The following GPHN variants were observed in gnomAD, a reference collection of about 807,000 sequenced individuals.
The protein encoded by GPHN is gephyrin.
A neutral mutation model predicts 95.5 loss-of-function variants in GPHN; 17 were observed. The ratio of observed to expected loss-of-function variants is 0.18; its 90% CI spans 0.12 to 0.27. The LOEUF is 0.27. Ranked by LOEUF, GPHN falls within the 10% of genes least tolerant of loss-of-function variation. The pLI is 1.00. For synonymous variants in GPHN, 320 were observed against 322.5 expected (o/e 0.99, Z 0.08); for missense variants, 660 against 978.1 (o/e 0.67, Z 4.34).
At chr14:67,473,949 G>C in the GPHN span, 60,168 of 1,577,510 alleles carry the variant, frequency 0.038, 1,514 homozygotes, top group East Asian at 0.13. The surrounding 1 kb of genome is among the most constrained non-coding windows in gnomAD (Gnocchi z 6.5). Context: ...TGGCTGCGGG[G>C]GGCGCAAGAG....
the GPHN span, chr14:67,316,971 T>C: frequency 1.6e-6 from 2 of 1,254,104 alleles, no homozygotes; most frequent in Non-Finnish European, 2.3e-6. Flanking sequence ...TGTGTGAATC[T>C]GCATATTAGA....
chr14:67,647,587 T>C, the GPHN span: 2 of 155,966 alleles, frequency 1.3e-5, no homozygotes, highest in African/African-American at 4.8e-5. Context: ...ACTGCAGACC[T>C]AAAATTAGAG....
chr14:67,302,388 TTATACA>T, the GPHN span: 1 of 1,369,766 alleles, frequency 7.3e-7, no homozygotes, highest in African/African-American at 1.5e-5. Context: ...TATTTTTAAA[TTATACA>T]TATATATATT....
the GPHN span, chr14:67,724,636 C>A: frequency 7.3e-7 from 1 of 1,362,134 alleles, no homozygotes; most frequent in South Asian, 1.2e-5. Flanking sequence ...GCCTCCCACC[C>A]TTCTTCCCAC....
At chr14:67,577,347 G>C in the GPHN span, 1 of 1,586,082 alleles carries the variant, frequency 6.3e-7, no homozygotes, top group Non-Finnish European at 8.6e-7. Flanking sequence ...AGCAAAGACG[G>C]CCTATACGCC....
chr14:67,706,880 T>C, the GPHN span, among the ~76,000 whole-genome samples: 95 of 152,314 alleles, frequency 6.2e-4, 1 homozygote, highest in East Asian at 0.018. Context: ...AGGTAGGTCC[T>C]AAGTTATTAG....
chr14:67,658,591 C>T, the GPHN span, among the ~76,000 whole-genome samples: 5,569 of 151,480 alleles, frequency 0.037, 299 homozygotes, highest in African/African-American at 0.12. Context: ...AGCGAGACTC[C>T]GTCTCAAAAA....
chr14:67,134,448 A>G (rs554433448), intron 17 of GPHN, among the ~76,000 whole-genome samples: 2 of 152,200 alleles, frequency 1.3e-5, no homozygotes, highest in African/African-American at 2.4e-5. Flanking sequence ...TATGTTTAGC[A>G]GTATCTTTTC....
the GPHN span, among the ~76,000 whole-genome samples, chr14:67,362,979 C>T: frequency 6.6e-6 from 1 of 152,174 alleles, no homozygotes; most frequent in Non-Finnish European, 1.5e-5. Flanking sequence ...GATTCTCTTA[C>T]ATGATTGCCC....
chr14:66,629,168 A>G (rs1178476301), intron 1 of GPHN, among the ~76,000 whole-genome samples: 1 of 100,674 alleles, frequency 9.9e-6, no homozygotes. Flanking sequence ...TATGTATATA[A>G]ATATATATAT....
the GPHN span, chr14:67,692,802 G>C: frequency 2.3e-6 from 2 of 881,900 alleles, no homozygotes; most frequent in Non-Finnish European, 1.8e-6. Context: ...ACTAGTTTCA[G>C]ATCAGCAAAT....
chr14:67,034,765 G>A (rs2074339998), intron 10 of GPHN, among the ~76,000 whole-genome samples: 1 of 152,012 alleles, frequency 6.6e-6, no homozygotes, highest in African/African-American at 2.4e-5. Context: ...GCTAACATTA[G>A]AGCACCCAAA....
chr14:66,517,360 C>G (rs1318327494), intron 1 of GPHN, among the ~76,000 whole-genome samples: 1 of 151,946 alleles, frequency 6.6e-6, no homozygotes, highest in Non-Finnish European at 1.5e-5. Context: ...GGGCACTACC[C>G]AAAGCAATCT....
intron 3 of GPHN, among the ~76,000 whole-genome samples, chr14:66,822,266 T>TATG (rs2061224859): frequency 6.6e-6 from 1 of 152,166 alleles, no homozygotes; most frequent in Non-Finnish European, 1.5e-5. Flanking sequence ...TTTTAAACTG[T>TATG]ATGAAATCTT....
chr14:66,654,709 A>G (rs867436991), intron 1 of GPHN, among the ~76,000 whole-genome samples: 4 of 152,190 alleles, frequency 2.6e-5, no homozygotes, highest in Admixed American at 1.3e-4. Flanking sequence ...TTTTGTGTCA[A>G]GTATAAAAAT....
chr14:67,158,618 T>C lies in GPHN; in HGVS notation c.1837-797T>C, dbSNP rs17104058. Among the ~76,000 whole-genome samples, 1,372 of 152,292 alleles carry C rather than the reference T, an allele frequency of 9.0e-3. 17 individuals are homozygous for C. Among genetic ancestry groups the C allele is most frequent in the African/African-American group, 0.031 (1,299 of 41,572 alleles). ...ATTAGTAAACCAAAAAATTTAGTAA[T>C]AGACCTAGGTTTTTATTATTTAAGA... On this transcript the variant is annotated intron_variant, in intron 18 of 22. Coordinates refer to ENST00000478722, the MANE Select transcript of GPHN (RefSeq NM_020806.5).
the GPHN span, chr14:67,587,250 C>A: frequency 1.9e-6 from 3 of 1,613,192 alleles, no homozygotes; most frequent in Non-Finnish European, 2.5e-6. Context: ...TTCTCCTACC[C>A]GATTCCCCAA....
chr14:67,081,255 C>T (rs879678488), intron 11 of GPHN, among the ~76,000 whole-genome samples: 2 of 152,216 alleles, frequency 1.3e-5, no homozygotes, highest in Admixed American at 1.3e-4. Flanking sequence ...CTTTTCACCA[C>T]ATCCCCACCA....
In GPHN at chr14:66,649,617, T is replaced by C. The variant is rs114774476; in HGVS notation, c.65-31490T>C. Among the ~76,000 whole-genome samples the C allele has an allele frequency of 3.0e-3, 457 of 152,316 alleles. 3 individuals are homozygous for C. Among genetic ancestry groups the C allele is most frequent in the African/African-American group, 0.011 (438 of 41,572 alleles). On this transcript the variant is annotated intron_variant, in intron 1 of 22. Transcript: ENST00000478722. ...TTGTGCACTCCTTATGAGAATGTAA[T>C]GCCTGATGATCTGAAGTGGAGCTGA...
Sources: allele counts gnomAD v4.1 joint callset (sites outside exome capture counted in the v4.1 genomes callset), GRCh38; gene constraint gnomAD v4.1.1; non-coding constraint Gnocchi (gnomAD v3.1); transcripts MANE v1.5; gene names NCBI Gene and HGNC (gene_info 2026-07-23, HGNC 2026-07-21).